Variants in ENTREP2 observed in about 807,000 individuals in gnomAD.
The protein encoded by ENTREP2 is protein ENTREP2.
chr15:29,144,978 C>T, the ENTREP2 span, among the ~76,000 whole-genome samples: 11 of 152,058 alleles, frequency 7.2e-5, no homozygotes, highest in Non-Finnish European at 1.6e-4. Context: ...ATCACTTGAA[C>T]GTGGGAGGTG....
chr15:29,456,383 A>C, the ENTREP2 span, among the ~76,000 whole-genome samples: 1 of 152,228 alleles, frequency 6.6e-6, no homozygotes, highest in South Asian at 2.1e-4. Context: ...GGGCAGGTGC[A>C]GGAGGAGAGG....
At chr15:29,426,081 AT>A in the ENTREP2 span, among the ~76,000 whole-genome samples, 1 of 151,588 alleles carries the variant, frequency 6.6e-6, no homozygotes, top group African/African-American at 2.4e-5. Context: ...ATTTATTTTA[AT>A]AACAAGTAAA....
the ENTREP2 span, among the ~76,000 whole-genome samples, chr15:29,522,306 A>G: frequency 7.9e-5 from 12 of 152,350 alleles, no homozygotes; most frequent in East Asian, 2.3e-3. Flanking sequence ...TACAAGACAC[A>G]TTCCAGGAGA....
the ENTREP2 span, among the ~76,000 whole-genome samples, chr15:29,592,594 T>C: frequency 2.0e-5 from 3 of 152,190 alleles, no homozygotes; most frequent in African/African-American, 4.8e-5. Flanking sequence ...TTAACACTGT[T>C]GCACTGGGGA....
the ENTREP2 span, among the ~76,000 whole-genome samples, chr15:29,604,951 T>A: frequency 6.6e-6 from 1 of 152,194 alleles, no homozygotes. Flanking sequence ...CACAGTGACA[T>A]GCACAGGTGA....
the ENTREP2 span, among the ~76,000 whole-genome samples, chr15:29,588,168 C>G: frequency 6.6e-6 from 1 of 152,104 alleles, no homozygotes; most frequent in Non-Finnish European, 1.5e-5. Flanking sequence ...GGGGATCAAG[C>G]CAGACTCCAA....
At chr15:29,286,579 ACTGT>A in the ENTREP2 span, among the ~76,000 whole-genome samples, 503 of 152,232 alleles carry the variant, frequency 3.3e-3, 10 homozygotes, top group African/African-American at 0.01. Flanking sequence ...CGGTAGTGAC[ACTGT>A]CTGAGTCCTG....
At chr15:29,570,655 G>C in the ENTREP2 span, 9 of 1,331,562 alleles carry the variant, frequency 6.8e-6, no homozygotes, top group Non-Finnish European at 8.7e-6. Flanking sequence ...CCGGGCACTC[G>C]CGCAGGCGGG....
At chr15:29,240,214 A>T in the ENTREP2 span, among the ~76,000 whole-genome samples, 4 of 152,102 alleles carry the variant, frequency 2.6e-5, no homozygotes, top group Non-Finnish European at 5.9e-5. Flanking sequence ...AATACAAAAA[A>T]TTAGCTGGGC....
chr15:29,154,939 A>G, the ENTREP2 span, among the ~76,000 whole-genome samples: 1 of 152,158 alleles, frequency 6.6e-6, no homozygotes, highest in Non-Finnish European at 1.5e-5. Context: ...AGTTTATAGA[A>G]CCCCATGCAC....
At chr15:29,594,206 A>G in the ENTREP2 span, among the ~76,000 whole-genome samples, 3 of 152,192 alleles carry the variant, frequency 2.0e-5, no homozygotes, top group African/African-American at 7.2e-5. Flanking sequence ...TGACTGAAAC[A>G]GATAGGGAGG....
the ENTREP2 span, chr15:29,122,416 T>G: frequency 2.6e-5 from 4 of 151,938 alleles, no homozygotes; most frequent in Non-Finnish European, 5.9e-5. Context: ...AAAGGTCAGC[T>G]CTGGGTCAAA....
the ENTREP2 span, among the ~76,000 whole-genome samples, chr15:29,364,877 G>C: frequency 1.3e-4 from 20 of 152,160 alleles, no homozygotes; most frequent in Admixed American, 1.3e-3. Context: ...GCCGCCAGCA[G>C]AGTGGTGCAT....
chr15:29,363,115 TTAA>T, the ENTREP2 span, among the ~76,000 whole-genome samples: 9 of 152,162 alleles, frequency 5.9e-5, no homozygotes, highest in Non-Finnish European at 1.0e-4. Context: ...TCTTCTGCAC[TTAA>T]TAAATGAAAG....
chr15:29,485,563 G>A, the ENTREP2 span, among the ~76,000 whole-genome samples: 1 of 152,196 alleles, frequency 6.6e-6, no homozygotes. Flanking sequence ...GATTACCATT[G>A]AGGCACACGG....
At chr15:29,649,166 G>A in the ENTREP2 span, among the ~76,000 whole-genome samples, 6 of 151,854 alleles carry the variant, frequency 4.0e-5, no homozygotes, top group East Asian at 1.9e-4. Context: ...TCATCAGAGA[G>A]GCCTAAAAAA....
the ENTREP2 span, among the ~76,000 whole-genome samples, chr15:29,628,141 T>C: frequency 2.0e-5 from 3 of 152,250 alleles, no homozygotes; most frequent in South Asian, 2.1e-4. Context: ...TCACCAACAC[T>C]TGTCATTTTC....
the ENTREP2 span, among the ~76,000 whole-genome samples, chr15:29,636,569 G>T: frequency 4.5e-4 from 68 of 152,330 alleles, no homozygotes; most frequent in African/African-American, 1.4e-3. Context: ...TATTATGCCA[G>T]TAGTCCATCA....
At chr15:29,559,248 C>A in the ENTREP2 span, among the ~76,000 whole-genome samples, 1 of 152,124 alleles carries the variant, frequency 6.6e-6, no homozygotes, top group Non-Finnish European at 1.5e-5. Flanking sequence ...CACCCACCAG[C>A]ACTCACCAGA....
Sources: allele counts gnomAD v4.1 joint callset (sites outside exome capture counted in the v4.1 genomes callset), GRCh38; gene constraint gnomAD v4.1.1; transcripts MANE v1.5; gene names NCBI Gene and HGNC (gene_info 2026-07-23, HGNC 2026-07-21).